The following SOX5 variants were observed in gnomAD, a reference collection of about 807,000 sequenced individuals.
SOX5 encodes the protein SRY-box transcription factor 5, also known as transcription factor SOX-5.
Under a neutral mutation model 92.0 loss-of-function variants are expected in SOX5, and 9 were observed. That is an observed-to-expected ratio of 0.10 (90% CI 0.06 to 0.17). SOX5 has a LOEUF of 0.17. Among genes scored for constraint, SOX5 ranks in the 10% least tolerant of loss-of-function variants. SOX5 has a pLI of 1.00. For synonymous variants in SOX5, 344 were observed against 336.3 expected (o/e 1.02, Z -0.25); for missense variants, 642 against 944.5 (o/e 0.68, Z 4.20).
chr12:24,268,694 A>C (rs1362490388), intron 3 of SOX5, among the ~76,000 whole-genome samples: 1 of 152,210 alleles, frequency 6.6e-6, no homozygotes, highest in African/African-American at 2.4e-5. Context: ...GGTATGTAGC[A>C]TCAGGAGCCT....
chr12:23,857,181 T>C (rs2096702668), intron 2 of SOX5, among the ~76,000 whole-genome samples: 1 of 151,998 alleles, frequency 6.6e-6, no homozygotes, highest in African/African-American at 2.4e-5. Context: ...AGAAGACTAA[T>C]ATAGGAGAGT....
intron 1 of SOX5, among the ~76,000 whole-genome samples, chr12:24,401,468 G>C (rs10842338): frequency 0.13 from 19,366 of 151,734 alleles, 1,541 homozygotes; most frequent in East Asian, 0.2. Context: ...CCAGAGCTTT[G>C]GGAGGTCAAG....
rs147267459 is a variant in SOX5 at position 24,319,803 on chromosome 12, C to A, written c.-173-42491G>T. ...TCCTAAGGCCATCATCTTGCACTAT[C>A]AAATTAATGATGTGACATGCAATTT... is the stretch of plus-strand genomic sequence containing the variant. On this transcript the variant is annotated intron_variant, in intron 2 of 4. Transcript: ENST00000446891. 4.9e-3 allele frequency among the ~76,000 whole-genome samples: 740 copies of A among 152,306 alleles called. 11 individuals carry two copies. Among genetic ancestry groups the A allele is most frequent in the African/African-American group, 0.016 (677 of 41,552 alleles).
chr12:24,480,335 G>A (rs1265191944), intron 1 of SOX5, among the ~76,000 whole-genome samples: 6 of 152,136 alleles, frequency 3.9e-5, no homozygotes, highest in African/African-American at 1.4e-4. Flanking sequence ...TAAATCTCCA[G>A]GACACTGGAC....
Position 23,941,269 on chromosome 12 carries a change from T to C in SOX5, c.38+8295A>G, listed in dbSNP as rs529786717. Among the ~76,000 whole-genome samples, 244 of 151,664 alleles carry C rather than the reference T, an allele frequency of 1.6e-3. 2 individuals carry two copies. The highest frequency in any genetic ancestry group is 5.4e-3 in the African/African-American group (225 of 41,504). On this transcript the variant is annotated intron_variant, in intron 1 of 14. Transcript: ENST00000451604. The stretch of plus-strand genomic sequence containing the variant: ...TTATCTTTTAATTTACTTATAAAAG[T>C]CCAAATATGTTGCCCCATCACTTTG...
At chr12:24,219,538 G>T (rs1959891920) in intron 3 of SOX5, among the ~76,000 whole-genome samples, 1 of 151,978 alleles carries the variant, frequency 6.6e-6, no homozygotes, top group Non-Finnish European at 1.5e-5. Flanking sequence ...ATTTTAATAA[G>T]AATGCATTTA....
rs77524581 is a variant in SOX5, at chr12:24,534,357, T to C, written c.-251+27972A>G. Among the ~76,000 whole-genome samples the C allele has an allele frequency of 4.5e-3, 684 of 152,236 alleles. 3 individuals are homozygous for C. The highest frequency in any genetic ancestry group is 0.015 in the African/African-American group (637 of 41,560). On this transcript the variant is annotated intron_variant, in intron 1 of 4. Coordinates refer to the SOX5 transcript ENST00000446891. Reference sequence around the variant, plus strand: ...TAGACCATGGTGGTAGAAAGTCTTCTTTCTTTGAAAGACTAATGCTTACAA... The same window carrying C: ...TAGACCATGGTGGTAGAAAGTCTTCCTTCTTTGAAAGACTAATGCTTACAA...
At chr12:24,525,341 T>C (rs955726709) in intron 1 of SOX5, among the ~76,000 whole-genome samples, 1 of 152,106 alleles carries the variant, frequency 6.6e-6, no homozygotes, top group African/African-American at 2.4e-5. Context: ...GTCAAATTCC[T>C]AGAATCAGAG....
intron 4 of SOX5, among the ~76,000 whole-genome samples, chr12:24,106,150 A>G (rs896001592): frequency 3.9e-4 from 59 of 152,052 alleles, no homozygotes; most frequent in African/African-American, 1.3e-3. Flanking sequence ...GGAATGAGAG[A>G]CTATATTTGC....
intron 1 of SOX5, among the ~76,000 whole-genome samples, chr12:23,948,722 T>G (rs946702144): frequency 5.9e-5 from 9 of 152,080 alleles, no homozygotes; most frequent in Non-Finnish European, 1.3e-4. Context: ...AATTTAAAAA[T>G]TGCAATGTGT....
chr12:23,907,215 G>C (rs2097303672), intron 1 of SOX5, among the ~76,000 whole-genome samples: 1 of 152,122 alleles, frequency 6.6e-6, no homozygotes, highest in African/African-American at 2.4e-5. Context: ...TGCAGAGAGA[G>C]AGAGACAAAA....
At chr12:23,619,076 C>T (rs1414932408) in intron 8 of SOX5, among the ~76,000 whole-genome samples, 2 of 152,082 alleles carry the variant, frequency 1.3e-5, no homozygotes, top group African/African-American at 4.8e-5. Context: ...GCTGTTATTA[C>T]TAACAAACAA....
chr12:23,955,912 G>A (rs1028324099), upstream of SOX5, among the ~76,000 whole-genome samples: 1 of 152,212 alleles, frequency 6.6e-6, no homozygotes, highest in African/African-American at 2.4e-5. Context: ...TAGCAGCAAA[G>A]TGAAAAGTGG....
intron 2 of SOX5, among the ~76,000 whole-genome samples, chr12:23,882,645 C>A (rs563166373): frequency 6.6e-6 from 1 of 151,816 alleles, no homozygotes; most frequent in Non-Finnish European, 1.5e-5. Flanking sequence ...ATTACAAGCG[C>A]GATGGAAAAG....
chr12:23,703,074 G>A (rs1184531159), intron 6 of SOX5, among the ~76,000 whole-genome samples: 1 of 151,984 alleles, frequency 6.6e-6, no homozygotes, highest in Admixed American at 6.6e-5. Context: ...GCAGCCAGCT[G>A]GCTCCATACC....
At chr12:24,011,995 G>C (rs1952997313) in intron 4 of SOX5, among the ~76,000 whole-genome samples, 1 of 152,212 alleles carries the variant, frequency 6.6e-6, no homozygotes, top group East Asian at 1.9e-4. Context: ...TTTTTCCCAG[G>C]ACTTCAAATT....
At chr12:24,148,481 CA>C (rs34951170) in intron 4 of SOX5, among the ~76,000 whole-genome samples, 31 of 53,592 alleles carry the variant, frequency 5.8e-4, no homozygotes, top group Non-Finnish European at 8.8e-4. Context: ...GGCTCCATGT[CA>C]AAAAAAAAAA....
intron 2 of SOX5, among the ~76,000 whole-genome samples, chr12:24,308,205 G>A (rs771724502): frequency 2.4e-4 from 37 of 152,170 alleles, no homozygotes; most frequent in Non-Finnish European, 3.5e-4. Flanking sequence ...TAGAACTCCA[G>A]TGAACACACT....
intron 2 of SOX5, among the ~76,000 whole-genome samples, chr12:23,875,989 A>G (rs567494873): frequency 6.6e-6 from 1 of 152,342 alleles, no homozygotes; most frequent in Admixed American, 6.5e-5. Flanking sequence ...TCTGTTCAAT[A>G]GAACTGTATT....
Sources: gnomAD v4.1 joint callset for allele counts (sites outside exome capture counted in the v4.1 genomes callset) on GRCh38, gnomAD v4.1.1 for gene constraint, MANE v1.5 for transcripts, NCBI Gene and HGNC (gene_info 2026-07-23, HGNC 2026-07-21) for gene names.